Variants in SASH1 observed in about 807,000 individuals in gnomAD.
SASH1 encodes SAM and SH3 domain-containing protein 1.
A neutral mutation model predicts 125.2 loss-of-function variants in SASH1; 44 were observed. The observed-to-expected ratio is 0.35, with a 90% CI of 0.28 to 0.45. The LOEUF is 0.45. Among genes scored for constraint, SASH1 ranks in the 20% least tolerant of loss-of-function variants. The pLI is 1.00. For synonymous variants in SASH1, 639 were observed against 649.1 expected, an observed-to-expected ratio of 0.98 and a Z score of 0.24; for missense variants, 1,426 against 1,614.5, an observed-to-expected ratio of 0.88 and a Z score of 2.00.
At chr6:148,355,465 T>C (rs1444686325) in intron 1 of SASH1, among the ~76,000 whole-genome samples, 1 of 152,224 alleles carries the variant, frequency 6.6e-6, no homozygotes, top group Non-Finnish European at 1.5e-5. Flanking sequence ...CTAAATGATA[T>C]GTAGAAGATA....
intron 2 of SASH1, among the ~76,000 whole-genome samples, chr6:148,437,654 G>A (rs1273498916): frequency 2.0e-5 from 3 of 152,228 alleles, no homozygotes; most frequent in Middle Eastern, 3.2e-3. Context: ...ACGGCATTGC[G>A]TGATGATCAC....
chr6:148,206,111 AT>A, the SASH1 span, among the ~76,000 whole-genome samples: 3 of 152,086 alleles, frequency 2.0e-5, no homozygotes, highest in East Asian at 1.9e-4. Context: ...TTTGCCATTT[AT>A]TTTTTTCCTG....
the SASH1 span, among the ~76,000 whole-genome samples, chr6:148,203,291 C>G: frequency 6.6e-6 from 1 of 152,174 alleles, no homozygotes; most frequent in Admixed American, 6.5e-5. Flanking sequence ...TATGAGAATT[C>G]TGGGGTGGAG....
chr6:148,328,454 G>T lies in SASH1; in HGVS notation n.74+56077G>T, dbSNP rs148684869. On this transcript the variant is annotated intron_variant and non_coding_transcript_variant, in intron 1 of 3. Transcript: ENST00000367469. ...CTAAAAATACAAAAATTAGCCAGGC[G>T]CAGTGGTGGGCACCTGTAATCCCAG... Among the ~76,000 whole-genome samples the T allele has an allele frequency of 2.6e-5, 4 of 152,060 alleles. No homozygotes were observed. In the East Asian group the frequency reaches 5.8e-4, roughly 22 times the overall value.
intron 16 of SASH1, 144 bp from the exon 17 acceptor site, chr6:148,540,299 C>T (rs1316924513): frequency 3.2e-6 from 2 of 629,354 alleles, no homozygotes; most frequent in African/African-American, 1.8e-5. Flanking sequence ...CACACTAGTT[C>T]ATTTTGATCT....
At chr6:148,351,557 G>A (rs1781730999) in intron 1 of SASH1, among the ~76,000 whole-genome samples, 1 of 151,026 alleles carries the variant, frequency 6.6e-6, no homozygotes, top group Non-Finnish European at 1.5e-5. Context: ...GAAAATAAAA[G>A]CATTATAAGA....
rs9386228 is a variant in SASH1, at chr6:148,469,986, G to A, written c.427+1401G>A. On this transcript the variant is annotated intron_variant, in intron 5 of 19. Coordinates refer to ENST00000367467, the MANE Select transcript of SASH1 (RefSeq NM_015278.5). ...GGTTGTAGTGAGCCAAGATTGCACC[G>A]CTGCACTCCAGCCTGGGCGACAGAG... Among the ~76,000 whole-genome samples the A allele has an allele frequency of 4.0e-3, 585 of 147,818 alleles. 21 individuals carry two copies. The East Asian group carries it at 0.095, about 24-fold the overall frequency.
chr6:148,360,646 C>CCCCA (rs1324369958), intron 1 of SASH1, among the ~76,000 whole-genome samples: 74 of 148,866 alleles, frequency 5.0e-4, no homozygotes, highest in Middle Eastern at 3.5e-3. Flanking sequence ...ACCCCCCCGC[C>CCCCA]AGGCTTTAAA....
chr6:148,387,676 CTTT>C (rs1783520936), intron 1 of SASH1, among the ~76,000 whole-genome samples: 2 of 91,892 alleles, frequency 2.2e-5, no homozygotes, highest in Admixed American at 1.3e-4. Context: ...TTCTTTCTTT[CTTT>C]CTTTCTTTCT....
chr6:148,213,505 G>GGTGTGTGTGTGTGTGTGT, the SASH1 span, among the ~76,000 whole-genome samples: 7,977 of 148,308 alleles, frequency 0.054, 232 homozygotes, highest in Non-Finnish European at 0.066. Context: ...CTAGCCAAAG[G>GGTGTGTGTGTGTGTGTGT]GTGTGTGTGT....
intron 1 of SASH1, among the ~76,000 whole-genome samples, chr6:148,376,977 C>T (rs1389736347): frequency 3.3e-5 from 5 of 150,676 alleles, no homozygotes; most frequent in Non-Finnish European, 5.9e-5. Context: ...GAGACCATCC[C>T]GGCTAAAACG....
chr6:148,303,623 C>A (rs1169697168), intron 1 of SASH1, among the ~76,000 whole-genome samples: 1 of 151,642 alleles, frequency 6.6e-6, no homozygotes, highest in Non-Finnish European at 1.5e-5. Context: ...ATGGTGAAAC[C>A]CCGTCTCTAC....
At chr6:148,479,575 A>G (rs1247946004) in intron 7 of SASH1, 1 of 156,630 alleles carries the variant, frequency 6.4e-6, no homozygotes, top group East Asian at 1.9e-4. Flanking sequence ...GCAGAGAAAA[A>G]AATTGTGTGA....
chr6:148,401,279 G>A (rs1428599420), intron 2 of SASH1, among the ~76,000 whole-genome samples: 2 of 151,734 alleles, frequency 1.3e-5, no homozygotes, highest in African/African-American at 2.4e-5. Context: ...AATTGATGCG[G>A]TCACATCAGT....
the SASH1 span, among the ~76,000 whole-genome samples, chr6:148,250,920 T>A: frequency 6.6e-6 from 1 of 152,200 alleles, no homozygotes; most frequent in Non-Finnish European, 1.5e-5. Context: ...TTTGTGCCGG[T>A]CTCTGAAGGA....
chr6:148,360,036 C>T (rs746024060), intron 1 of SASH1, among the ~76,000 whole-genome samples: 4 of 149,738 alleles, frequency 2.7e-5, no homozygotes, highest in Non-Finnish European at 4.4e-5. Context: ...GGATTACAGG[C>T]GTGAGCCACC....
chr6:148,228,697 A>G, the SASH1 span, among the ~76,000 whole-genome samples: 1 of 152,204 alleles, frequency 6.6e-6, no homozygotes, highest in African/African-American at 2.4e-5. Context: ...CTCCACCAGC[A>G]TGTGACTTTA....
chr6:148,360,125 G>A (rs1782133372), intron 1 of SASH1, among the ~76,000 whole-genome samples: 2 of 152,074 alleles, frequency 1.3e-5, no homozygotes, highest in East Asian at 1.9e-4. Context: ...TTCTTTGGAG[G>A]ACTTCCTTTA....
intron 1 of SASH1, among the ~76,000 whole-genome samples, chr6:148,369,221 G>T (rs536684624): frequency 6.6e-6 from 1 of 152,342 alleles, no homozygotes; most frequent in South Asian, 2.1e-4. Context: ...GTCTTTAGTG[G>T]CACAGCCTGC....
Sources: allele counts gnomAD v4.1 joint callset (sites outside exome capture counted in the v4.1 genomes callset), GRCh38; gene constraint gnomAD v4.1.1; transcripts MANE v1.5; gene names NCBI Gene and HGNC (gene_info 2026-07-23, HGNC 2026-07-21).